HAUS6: variants seen among roughly 807,000 people sequenced by gnomAD.
HAUS6 encodes HAUS augmin-like complex subunit 6.
In HAUS6, 80 loss-of-function variants were observed where a neutral mutation model predicts 106.8. That is an observed-to-expected ratio of 0.75 (90% confidence interval 0.63 to 0.90). The LOEUF is 0.90. Ranked by LOEUF, HAUS6 falls within the 40% of genes least tolerant of loss-of-function variation. The pLI, the probability that HAUS6 is intolerant of heterozygous loss-of-function variation, is 0.00. For missense variants in HAUS6, 1,155 were observed against 1,118.1 expected (o/e 1.03, Z -0.47); for synonymous variants, 356 against 379.1 (o/e 0.94, Z 0.71).
rs759030652 is a variant in HAUS6 at position 19,076,683 on chromosome 9, T to C, written c.1213A>G (p.Met405Val). The C allele has an allele frequency of 9.7e-6, 15 of 1,548,226 alleles. No individual in the cohort carries two copies. Among genetic ancestry groups the C allele is most frequent in the South Asian group, 5.6e-5 (5 of 89,376 alleles). ...WTPSVDLLPP[M>V]SPLSFDPASE... ...GCAGGATCAAACGAAAGGGGAGACA[T>C]TGGTGGTAAAAGATCTACAGACTTA... The change falls in exon 11 of 17, where the codon ATG becomes GTG. Residue 405 changes from methionine to valine, a missense_variant. Transcript: ENST00000380502.
intron 9 of HAUS6, among the ~76,000 whole-genome samples, chr9:19,079,340 T>C (rs1438521992): frequency 6.6e-6 from 1 of 150,962 alleles, no homozygotes; most frequent in Admixed American, 6.6e-5. Context: ...CAAGTGATTC[T>C]CCTGCCTCTG....
At chr9:19,068,988 T>A (rs1041664706) in intron 12 of HAUS6, among the ~76,000 whole-genome samples, 2 of 151,348 alleles carry the variant, frequency 1.3e-5, no homozygotes, top group African/African-American at 2.4e-5. Flanking sequence ...AGTTGTCCAA[T>A]TTTTTTTTAA....
intron 7 of HAUS6, among the ~76,000 whole-genome samples, chr9:19,085,999 A>AG (rs1161986440): frequency 1.3e-5 from 2 of 152,040 alleles, no homozygotes; most frequent in African/African-American, 4.8e-5. Flanking sequence ...TTTAAAAAAA[A>AG]AAAAAGTAAT....
At chr9:19,094,519 C>T (rs72696480) in intron 2 of HAUS6, 124 bp from the exon 3 acceptor site, 25,308 of 616,632 alleles carry the variant, frequency 0.041, 607 homozygotes, top group Non-Finnish European at 0.051. Flanking sequence ...TGGCCAAGCG[C>T]GGTGGCTCAC....
chr9:19,083,082 A>C, intron 7 of HAUS6, 39 bp from the exon 8 acceptor site: 1 of 1,261,080 alleles, frequency 7.9e-7, no homozygotes, highest in Admixed American at 2.5e-5. Flanking sequence ...TCCACACATA[A>C]TCTGTACATA....
At chr9:19,087,286 T>G in intron 5 of HAUS6, 130 bp from the exon 6 acceptor site, 1 of 645,702 alleles carries the variant, frequency 1.5e-6, no homozygotes, top group South Asian at 1.9e-5. Context: ...GCTAAAGGAC[T>G]CTAGACTCTC....
At chr9:19,097,111 T>G (rs1817880798) in intron 1 of HAUS6, among the ~76,000 whole-genome samples, 1 of 152,168 alleles carries the variant, frequency 6.6e-6, no homozygotes. Context: ...CTAATATTTA[T>G]TAAGAGTACA....
chr9:19,086,013 AC>A (rs1164284522), intron 7 of HAUS6, among the ~76,000 whole-genome samples: 10 of 151,916 alleles, frequency 6.6e-5, no homozygotes, highest in African/African-American at 2.2e-4. Context: ...AAGTAATAGT[AC>A]TATAAAAAGA....
At chr9:19,080,174 CAAAAAAA>C (rs746423003) in intron 9 of HAUS6, among the ~76,000 whole-genome samples, 2 of 37,592 alleles carry the variant, frequency 5.3e-5, no homozygotes, top group Non-Finnish European at 1.1e-4. Flanking sequence ...AACTCCGTCT[CAAAAAAA>C]AAAAAAAAAA....
At chr9:19,090,435 G>A (rs1040920089) in intron 4 of HAUS6, among the ~76,000 whole-genome samples, 2 of 152,046 alleles carry the variant, frequency 1.3e-5, no homozygotes, top group African/African-American at 4.8e-5. Flanking sequence ...CGTGATCTCG[G>A]CTCACTGCAA....
intron 4 of HAUS6, among the ~76,000 whole-genome samples, chr9:19,091,882 G>A (rs575718829): frequency 1.3e-5 from 2 of 151,916 alleles, no homozygotes; most frequent in African/African-American, 2.4e-5. Flanking sequence ...GGCTGGTGTC[G>A]AACTCCTGAC....
chr9:19,068,374 A>G lies in HAUS6; in HGVS notation c.1376+1845T>C, dbSNP rs564543716. ...GTCCTGACTGCCTGTGAACTAGATT[A>G]CAGGTCCTCAGAGAAGATTTCATTA... On this transcript the variant is annotated intron_variant, in intron 12 of 16. Transcript: ENST00000380502. Among the ~76,000 whole-genome samples the G allele has an allele frequency of 2.4e-3, 360 of 151,836 alleles. 6 individuals are homozygous for G. The South Asian group carries it at 0.029, about 12-fold the overall frequency.
chr9:19,101,666 A>G (rs546794565), intron 1 of HAUS6, among the ~76,000 whole-genome samples: 4 of 152,322 alleles, frequency 2.6e-5, no homozygotes, highest in African/African-American at 9.6e-5. Flanking sequence ...TCACGCCTGT[A>G]ATCCCAGCAC....
At chr9:19,101,861 A>G (rs1817995486) in intron 1 of HAUS6, among the ~76,000 whole-genome samples, 1 of 152,218 alleles carries the variant, frequency 6.6e-6, no homozygotes, top group South Asian at 2.1e-4. Context: ...TGGAGGGTGC[A>G]GTGAGCCGAG....
At chr9:19,095,215 G>C (rs367859469) in intron 2 of HAUS6, among the ~76,000 whole-genome samples, 2 of 151,690 alleles carry the variant, frequency 1.3e-5, no homozygotes, top group African/African-American at 4.8e-5. Flanking sequence ...GAGAAGTTTT[G>C]CTTCAACTTT....
chr9:19,089,768 G>A (rs192016084), intron 4 of HAUS6: 8 of 533,314 alleles, frequency 1.5e-5, no homozygotes, highest in East Asian at 3.1e-5. Flanking sequence ...TTAACATCAC[G>A]TAACTAACAA....
chr9:19,083,998 C>A (rs1837225011), intron 7 of HAUS6, among the ~76,000 whole-genome samples: 1 of 150,584 alleles, frequency 6.6e-6, no homozygotes, highest in African/African-American at 2.4e-5. Context: ...TACCTGTAAT[C>A]CCAGCTACTC....
intron 1 of HAUS6, among the ~76,000 whole-genome samples, chr9:19,101,406 G>C (rs2131162965): frequency 6.6e-6 from 1 of 152,028 alleles, no homozygotes; most frequent in African/African-American, 2.4e-5. Context: ...TGGGAGGATC[G>C]CCTGAGCCCA....
chr9:19,063,421 G>A, intron 13 of HAUS6, 93 bp downstream of exon 13: 1 of 700,582 alleles, frequency 1.4e-6, no homozygotes, highest in Non-Finnish European at 2.4e-6. Context: ...TGTGAAATTA[G>A]AAATTAAATT....
Sources: allele counts gnomAD v4.1 joint callset (sites outside exome capture counted in the v4.1 genomes callset), GRCh38; gene constraint gnomAD v4.1.1; transcripts MANE v1.5; gene names NCBI Gene and HGNC (gene_info 2026-07-23, HGNC 2026-07-21).